The following IQGAP2 variants were observed in gnomAD, a reference collection of about 807,000 sequenced individuals.
The protein encoded by IQGAP2 is IQ motif containing GTPase activating protein 2, also known as ras GTPase-activating-like protein IQGAP2.
Under a neutral mutation model 201.3 loss-of-function variants are expected in IQGAP2, and 173 were observed. The observed-to-expected ratio is 0.86, with a 90% confidence interval of 0.76 to 0.98. IQGAP2 has a LOEUF of 0.98. IQGAP2 is among the 50% of genes least tolerant of loss of function. The probability of loss-of-function intolerance (pLI) is 0.00; values close to 1 mark genes in which losing one functional copy is unlikely to be tolerated. For missense variants in IQGAP2, 1,687 were observed against 1,864.8 expected (o/e 0.90, Z 1.76); for synonymous variants, 675 against 673.9 (o/e 1.00, Z -0.03).
intron 2 of IQGAP2, among the ~76,000 whole-genome samples, chr5:76,473,695 A>G (rs1755252470): frequency 6.6e-6 from 1 of 152,124 alleles, no homozygotes; most frequent in Non-Finnish European, 1.5e-5. Context: ...TGTTCTCTTC[A>G]CCCAAGAAAA....
intron 28 of IQGAP2, among the ~76,000 whole-genome samples, chr5:76,679,802 G>A (rs1580802524): frequency 6.6e-6 from 1 of 152,090 alleles, no homozygotes; most frequent in Non-Finnish European, 1.5e-5. Context: ...TTTATTTAAT[G>A]CCTTTCTTTG....
intron 12 of IQGAP2, among the ~76,000 whole-genome samples, chr5:76,610,076 CTATATATATATATATATATA>C (rs869050901): frequency 6.4e-4 from 12 of 18,698 alleles, no homozygotes; most frequent in African/African-American, 2.1e-3. Context: ...CTCTCTCTCT[CTATATATATATATATATATA>C]TATATATATA....
chr5:76,625,629 G>T (rs1750153035), intron 13 of IQGAP2, among the ~76,000 whole-genome samples: 1 of 152,156 alleles, frequency 6.6e-6, no homozygotes, highest in South Asian at 2.1e-4. Flanking sequence ...CCCAGATGTT[G>T]CACGATGAAA....
At chr5:76,439,581 T>C (rs1481409130) in intron 1 of IQGAP2, among the ~76,000 whole-genome samples, 1 of 152,200 alleles carries the variant, frequency 6.6e-6, no homozygotes, top group Non-Finnish European at 1.5e-5. Flanking sequence ...GATCCTTTTG[T>C]TATTATATAG....
chr5:76,625,506 A>G (rs1750142024), intron 13 of IQGAP2, among the ~76,000 whole-genome samples: 2 of 151,986 alleles, frequency 1.3e-5, no homozygotes, highest in South Asian at 4.2e-4. Flanking sequence ...AGCCTCCCCC[A>G]TCCATTCTTG....
At chr5:76,693,159 C>T (rs1282497305) in intron 30 of IQGAP2, among the ~76,000 whole-genome samples, 196 bp from the exon 31 acceptor site, 1 of 152,230 alleles carries the variant, frequency 6.6e-6, no homozygotes, top group African/African-American at 2.4e-5. Context: ...AAAGCCCAGA[C>T]TTTGATTATC....
intron 2 of IQGAP2, among the ~76,000 whole-genome samples, chr5:76,495,625 G>A (rs1756846940): frequency 6.6e-6 from 1 of 152,170 alleles, no homozygotes. Flanking sequence ...AAGAAAAGAG[G>A]TCTAATGGCC....
intron 1 of IQGAP2, among the ~76,000 whole-genome samples, chr5:76,430,153 G>A (rs182314254): frequency 6.6e-6 from 1 of 152,120 alleles, no homozygotes; most frequent in East Asian, 1.9e-4. Context: ...GTTACATAGC[G>A]CTCTGTGACA....
chr5:76,474,471 C>T (rs768965932), intron 2 of IQGAP2, among the ~76,000 whole-genome samples: 1 of 152,122 alleles, frequency 6.6e-6, no homozygotes, highest in Admixed American at 6.5e-5. Context: ...AAACTTGAAC[C>T]CATTTTGGTG....
At position 76,693,367 on chromosome 5, in the gene IQGAP2, G is replaced by C; in HGVS notation, c.3918G>C (p.Leu1306=). 1 of 1,613,222 alleles carries C rather than the reference G, an allele frequency of 6.2e-7. No individual in the cohort carries two copies. Among genetic ancestry groups the C allele is most frequent in the Non-Finnish European group, 8.5e-7 (1 of 1,179,458 alleles). The change falls in exon 31 of 36, where the codon CTG becomes CTC. Residue 1306 remains leucine (L), a synonymous_variant. Transcript: ENST00000274364. ...CTGGTTTGTTAAGGACCAAGAAGCT[G>C]ATAATTGATGTGATCCGGAACCAGC... ...SRSLMIKTKK[L]IIDVIRNQPG... is the part of the protein sequence containing the mutation.
chr5:76,569,504 T>C (rs1225237896), intron 3 of IQGAP2, among the ~76,000 whole-genome samples: 1 of 152,204 alleles, frequency 6.6e-6, no homozygotes, highest in Non-Finnish European at 1.5e-5. Flanking sequence ...CATGAAGTGA[T>C]TGGAACACAT....
intron 1 of IQGAP2, among the ~76,000 whole-genome samples, chr5:76,411,083 C>T (rs1035123205): frequency 6.6e-6 from 1 of 152,152 alleles, no homozygotes; most frequent in Non-Finnish European, 1.5e-5. Context: ...ATGCCCAGGC[C>T]CCACTCAGAC....
chr5:76,438,891 T>G (rs898360395), intron 1 of IQGAP2, among the ~76,000 whole-genome samples: 5 of 152,238 alleles, frequency 3.3e-5, no homozygotes, highest in Non-Finnish European at 5.9e-5. Flanking sequence ...AAATTTCATT[T>G]AGTTCTGCTC....
At chr5:76,431,801 G>A (rs759158943) in intron 1 of IQGAP2, among the ~76,000 whole-genome samples, 21 of 143,996 alleles carry the variant, frequency 1.5e-4, no homozygotes, top group Non-Finnish European at 2.5e-4. Context: ...CCAGCCTGGC[G>A]ACAGAGACTC....
chr5:76,510,703 G>T, intron 2 of IQGAP2: 1 of 533,826 alleles, frequency 1.9e-6, no homozygotes, highest in South Asian at 1.4e-5. Flanking sequence ...AGACTGCCAA[G>T]CTTGTCCATT....
intron 2 of IQGAP2, among the ~76,000 whole-genome samples, chr5:76,528,190 A>C (rs118032852): frequency 6.6e-6 from 1 of 152,084 alleles, no homozygotes; most frequent in African/African-American, 2.4e-5. Context: ...CTCTTGGCCA[A>C]ATTCTATCCA....
chr5:76,427,182 C>T (rs1464865179), intron 1 of IQGAP2, among the ~76,000 whole-genome samples: 1 of 152,158 alleles, frequency 6.6e-6, no homozygotes, highest in Non-Finnish European at 1.5e-5. Context: ...TCCCCTTCAC[C>T]TGTGACAACA....
chr5:76,589,230 T>G (rs543024630), intron 6 of IQGAP2, among the ~76,000 whole-genome samples: 1 of 148,512 alleles, frequency 6.7e-6, no homozygotes, highest in Admixed American at 6.8e-5. Context: ...GAGAATGGCG[T>G]GAACCTGGGA....
At chr5:76,487,387 G>A (rs185625152) in intron 2 of IQGAP2, among the ~76,000 whole-genome samples, 28 of 152,234 alleles carry the variant, frequency 1.8e-4, no homozygotes, top group Admixed American at 4.6e-4. Context: ...GTGAGCCACC[G>A]CGTCTATTGG....
Sources: allele counts gnomAD v4.1 joint callset (sites outside exome capture counted in the v4.1 genomes callset), GRCh38; gene constraint gnomAD v4.1.1; transcripts MANE v1.5; gene names NCBI Gene and HGNC (gene_info 2026-07-23, HGNC 2026-07-21).